Variants in MTX2 observed in about 807,000 individuals in gnomAD.
MTX2 encodes metaxin-2.
Under a neutral mutation model 42.3 loss-of-function variants are expected in MTX2, and 35 were observed. That is an observed-to-expected ratio of 0.83 (90% CI 0.63 to 1.10). MTX2 has a LOEUF of 1.10. Ranked by LOEUF, MTX2 falls within the 50% of genes least tolerant of loss-of-function variation. The pLI is 0.00. For missense variants in MTX2, 307 were observed against 304.1 expected, an observed-to-expected ratio of 1.01 and a Z score of -0.07; for synonymous variants, 119 against 100.9, an observed-to-expected ratio of 1.18 and a Z score of -1.08.
At chr2:176,304,562 T>TA (rs1214156412) in intron 3 of MTX2, among the ~76,000 whole-genome samples, 1 of 152,010 alleles carries the variant, frequency 6.6e-6, no homozygotes, top group Non-Finnish European at 1.5e-5. Flanking sequence ...CTGTTTGATA[T>TA]AAAAATGAAT....
chr2:176,271,708 A>G (rs1286044282), intron 1 of MTX2, among the ~76,000 whole-genome samples: 2 of 152,206 alleles, frequency 1.3e-5, no homozygotes, highest in Non-Finnish European at 1.5e-5. Context: ...TAATGTAGCA[A>G]TATTTATTAA....
intron 1 of MTX2, among the ~76,000 whole-genome samples, chr2:176,284,734 GA>G (rs1693155700): frequency 6.6e-6 from 1 of 151,682 alleles, no homozygotes; most frequent in South Asian, 2.1e-4. Context: ...AAATCTTCTT[GA>G]AAAAAATTAA....
chr2:176,330,579 G>A lies in MTX2; in HGVS notation c.544-5G>A, dbSNP rs760625009. ...CTTTTCCTTGGGGTTCATTGCCTGTGTTAGGTCTTAGAGGATGTAGACCAG... is the reference window on the plus strand; with the variant it reads ...CTTTTCCTTGGGGTTCATTGCCTGTATTAGGTCTTAGAGGATGTAGACCAG... On this transcript the variant is annotated splice_polypyrimidine_tract_variant and splice_region_variant and intron_variant, in intron 8 of 9. Transcript: ENST00000249442. 7 of 1,542,276 alleles carry A rather than the reference G, an allele frequency of 4.5e-6. No individual in the cohort carries two copies. In the South Asian group the frequency reaches 7.8e-5, roughly 17 times the overall value.
chr2:176,298,142 T>C (rs1683936912), intron 3 of MTX2, among the ~76,000 whole-genome samples: 1 of 152,066 alleles, frequency 6.6e-6, no homozygotes, highest in Non-Finnish European at 1.5e-5. Flanking sequence ...AAATCACTTT[T>C]ATGTGGTAGG....
At chr2:176,313,156 TTAC>T (rs2105430010) in intron 3 of MTX2, among the ~76,000 whole-genome samples, 1 of 152,042 alleles carries the variant, frequency 6.6e-6, no homozygotes, top group Non-Finnish European at 1.5e-5. Flanking sequence ...ATGAATGTTG[TTAC>T]TACTATTAAT....
At chr2:176,302,543 T>A (rs1004574175) in intron 3 of MTX2, among the ~76,000 whole-genome samples, 7 of 152,112 alleles carry the variant, frequency 4.6e-5, no homozygotes, top group African/African-American at 1.7e-4. Flanking sequence ...TTCAAGTGAT[T>A]CTCCCACCTC....
intron 1 of MTX2, among the ~76,000 whole-genome samples, chr2:176,290,793 A>G (rs1203190478): frequency 1.4e-5 from 2 of 146,330 alleles, no homozygotes; most frequent in Non-Finnish European, 3.0e-5. Flanking sequence ...TACATGTAAT[A>G]TGTGTGCAAG....
intron 3 of MTX2, 56 bp from the exon 4 acceptor site, chr2:176,323,335 CT>C (rs1684628720): frequency 7.1e-7 from 1 of 1,399,904 alleles, no homozygotes; most frequent in South Asian, 1.2e-5. Context: ...ATACAAATTT[CT>C]GTTCAAATAT....
chr2:176,327,014 A>G (rs1020858382), intron 5 of MTX2, 113 bp downstream of exon 5: 1 of 555,558 alleles, frequency 1.8e-6, no homozygotes, highest in Admixed American at 3.7e-5. Context: ...GCCAATGCAA[A>G]CTACTGGAAA....
chr2:176,316,793 TATTG>T (rs1216945901), intron 3 of MTX2, among the ~76,000 whole-genome samples: 6 of 152,306 alleles, frequency 3.9e-5, no homozygotes, highest in East Asian at 1.9e-4. Flanking sequence ...GGTATCAAAC[TATTG>T]ATTATTTTGC....
At chr2:176,322,364 TTTATC>T (rs533392004) in intron 3 of MTX2, among the ~76,000 whole-genome samples, 93 of 152,266 alleles carry the variant, frequency 6.1e-4, no homozygotes, top group African/African-American at 1.6e-3. Flanking sequence ...AATTTATTAA[TTTATC>T]TTATCTTACT....
chr2:176,322,130 T>A (rs1162307244), intron 3 of MTX2, among the ~76,000 whole-genome samples: 2 of 152,128 alleles, frequency 1.3e-5, no homozygotes, highest in Non-Finnish European at 2.9e-5. Context: ...GTGGGATTTA[T>A]TTTTGGAGGC....
intron 5 of MTX2, among the ~76,000 whole-genome samples, chr2:176,327,148 G>A (rs1271572350): frequency 6.6e-6 from 1 of 151,144 alleles, no homozygotes; most frequent in Non-Finnish European, 1.5e-5. Context: ...TAAAGAGATG[G>A]TTTGATCTTT....
At chr2:176,279,391 A>G (rs925028399) in intron 1 of MTX2, among the ~76,000 whole-genome samples, 2 of 152,150 alleles carry the variant, frequency 1.3e-5, no homozygotes, top group African/African-American at 4.8e-5. Flanking sequence ...TTATTTCTGT[A>G]AAGTAATATT....
chr2:176,297,816 G>A, intron 2 of MTX2, 33 bp from the exon 3 acceptor site: 2 of 1,454,014 alleles, frequency 1.4e-6, no homozygotes, highest in Non-Finnish European at 1.9e-6. Flanking sequence ...TATTCTACTT[G>A]GTTAACATTT....
At chr2:176,318,481 A>G (rs1684498863) in intron 3 of MTX2, among the ~76,000 whole-genome samples, 1 of 152,200 alleles carries the variant, frequency 6.6e-6, no homozygotes. Flanking sequence ...ATTTATATAT[A>G]AAGAATGGGT....
At chr2:176,330,709 C>A in intron 9 of MTX2, 49 bp downstream of exon 9, 1 of 1,276,918 alleles carries the variant, frequency 7.8e-7, no homozygotes, top group Non-Finnish European at 1.1e-6. Context: ...TGTTAGGTTG[C>A]AAATTTCTTT....
chr2:176,315,867 C>G (rs1204623501), intron 3 of MTX2, among the ~76,000 whole-genome samples: 1 of 152,152 alleles, frequency 6.6e-6, no homozygotes, highest in African/African-American at 2.4e-5. Flanking sequence ...GGTTTATGAT[C>G]AAATGTTACC....
At chr2:176,333,481 G>T (rs1211104018) in intron 9 of MTX2, among the ~76,000 whole-genome samples, 1 of 151,590 alleles carries the variant, frequency 6.6e-6, no homozygotes, top group East Asian at 1.9e-4. Context: ...GCATACAGTT[G>T]TGTAACTGTC....
Sources: gnomAD v4.1 joint callset for allele counts (sites outside exome capture counted in the v4.1 genomes callset) on GRCh38, gnomAD v4.1.1 for gene constraint, MANE v1.5 for transcripts, NCBI Gene and HGNC (gene_info 2026-07-23, HGNC 2026-07-21) for gene names.